SORCS3: variants seen among roughly 807,000 people sequenced by gnomAD.
SORCS3 encodes the protein VPS10 domain-containing receptor SorCS3.
In SORCS3, 57 loss-of-function variants were observed where a neutral mutation model predicts 146.3. The ratio of observed to expected loss-of-function variants is 0.39; its 90% CI spans 0.31 to 0.49. The LOEUF is 0.49. SORCS3 is among the 20% of genes least tolerant of loss of function. The pLI is 0.92. For missense variants in SORCS3, 1,341 were observed against 1,575.5 expected (o/e 0.85, Z 2.52); for synonymous variants, 653 against 618.5 (o/e 1.06, Z -0.83).
intron 3 of SORCS3, among the ~76,000 whole-genome samples, chr10:104,965,978 A>G (rs1306957135): frequency 6.6e-6 from 1 of 152,146 alleles, no homozygotes; most frequent in East Asian, 1.9e-4. Context: ...GTATAAGCAT[A>G]CATGCATATT....
chr10:104,722,320 G>A (rs2016559716), intron 1 of SORCS3, among the ~76,000 whole-genome samples: 1 of 152,172 alleles, frequency 6.6e-6, no homozygotes, highest in African/African-American at 2.4e-5. Context: ...GCATCCCAGG[G>A]ATGAAGCCCA....
chr10:105,008,643 T>C (rs982398939), intron 4 of SORCS3, among the ~76,000 whole-genome samples: 4 of 152,174 alleles, frequency 2.6e-5, no homozygotes, highest in Non-Finnish European at 5.9e-5. Flanking sequence ...TGAGGTTTTT[T>C]GTTTTTGTTT....
intron 1 of SORCS3, among the ~76,000 whole-genome samples, chr10:104,650,673 C>T (rs1397098723): frequency 6.6e-6 from 1 of 152,152 alleles, no homozygotes; most frequent in African/African-American, 2.4e-5. Context: ...TCAATAGGTG[C>T]TTATTGAGTT....
intron 1 of SORCS3, among the ~76,000 whole-genome samples, chr10:104,813,317 C>G (rs959310060): frequency 6.6e-6 from 1 of 152,174 alleles, no homozygotes; most frequent in Non-Finnish European, 1.5e-5. Context: ...CTTTATTATT[C>G]TCTAATTCAG....
intron 13 of SORCS3, among the ~76,000 whole-genome samples, chr10:105,167,672 G>A (rs2056325703): frequency 6.6e-6 from 1 of 152,040 alleles, no homozygotes; most frequent in Non-Finnish European, 1.5e-5. Flanking sequence ...GGAAGAGGAG[G>A]GTTAGGTACA....
chr10:105,082,792 G>A (rs1208387942), intron 5 of SORCS3, among the ~76,000 whole-genome samples: 1 of 152,086 alleles, frequency 6.6e-6, no homozygotes, highest in Non-Finnish European at 1.5e-5. Flanking sequence ...GTGCAATGGT[G>A]CGATCTTGGC....
rs940498244 is a variant in SORCS3, at chr10:104,842,809, G to A, written c.645G>A (p.Thr215=). 27 of 1,613,670 alleles carry A rather than the reference G, an allele frequency of 1.7e-5. No homozygotes were observed. Among genetic ancestry groups the A allele is most frequent in the Middle Eastern group, 3.3e-4 (2 of 6,082 alleles). ...CCTTGCAGGTCATACTTATCCTGAC[G>A]AAGCTGTATGACTTCAACCTGGGCA... ...GHNSSVILIL[T]KLYDFNLGSV... The change falls in exon 2 of 27, where the codon ACG becomes ACA. Residue 215 remains threonine (T), a synonymous_variant. Transcript: ENST00000369701.
At chr10:104,850,082 A>G (rs2018257001) in intron 2 of SORCS3, among the ~76,000 whole-genome samples, 1 of 152,202 alleles carries the variant, frequency 6.6e-6, no homozygotes, top group African/African-American at 2.4e-5. Flanking sequence ...TTTCCTTTTC[A>G]TATAACTTTT....
chr10:104,905,345 CTGTGTTGGAAAACACCA>C (rs33927975), intron 2 of SORCS3, among the ~76,000 whole-genome samples: 54,867 of 151,964 alleles, frequency 0.36, 12,942 homozygotes, highest in African/African-American at 0.67. Flanking sequence ...TTCTTCTTGC[CTGTGTTGGAAAACACCA>C]TGTGTTGGAA....
Position 105,064,154 on chromosome 10 carries a change from G to A in SORCS3, c.1028+21026G>A, listed in dbSNP as rs1249036341. Among the ~76,000 whole-genome samples the A allele has an allele frequency of 2.0e-5, 3 of 152,302 alleles. No homozygotes were observed. The East Asian group carries it at 5.8e-4, about 29-fold the overall frequency. The stretch of plus-strand genomic sequence containing the variant: ...CCGTCTCTGCCCTCTTAGCACTTAT[G>A]GTGTAGCAAGGAAACAGGAAGAAAT... On this transcript the variant is annotated intron_variant, in intron 5 of 26. Coordinates refer to ENST00000369701, the MANE Select transcript of SORCS3 (RefSeq NM_014978.3).
In SORCS3 at chr10:105,214,570, C is replaced by G. The variant is rs1443275541; in HGVS notation, c.2504C>G (p.Ala835Gly). The stretch of plus-strand genomic sequence containing the variant: ...GTGACGACCGATGGGCGGCTGGTGG[C>G]AGAGCAGGGGCACAATGCAACTTTC... ...HVVTTDGRLV[A>G]EQGHNATFII... Residue 835 changes from alanine (A) to glycine (G), a missense_variant, in exon 18 of 27, where the codon GCA becomes GGA. Physicochemically the swap from Ala to Gly is moderately conservative, Grantham distance 60. Coordinates refer to ENST00000369701, the MANE Select transcript of SORCS3 (RefSeq NM_014978.3). The G allele has an allele frequency of 2.5e-6, 4 of 1,608,170 alleles. No homozygotes were observed. The highest frequency in any genetic ancestry group is 3.4e-6 in the Non-Finnish European group (4 of 1,177,446).
chr10:105,252,950 C>T (rs892124895), intron 23 of SORCS3, 44 bp downstream of exon 23: 123 of 1,602,790 alleles, frequency 7.7e-5, no homozygotes, highest in Non-Finnish European at 1.0e-4. Flanking sequence ...CTGCACCCTA[C>T]ACCCTGAGAG....
chr10:104,794,622 G>GGAGGGGGAGAGAGAGAGAGA (rs1481811209), intron 1 of SORCS3, among the ~76,000 whole-genome samples: 2 of 41,406 alleles, frequency 4.8e-5, no homozygotes, highest in Non-Finnish European at 8.6e-5. Context: ...AGAGAGGGAG[G>GGAGGGGGAGAGAGAGAGAGA]GAGAGAGAGA....
intron 1 of SORCS3, among the ~76,000 whole-genome samples, chr10:104,822,341 G>A (rs964064958): frequency 6.6e-6 from 1 of 152,160 alleles, no homozygotes; most frequent in Non-Finnish European, 1.5e-5. Context: ...GATATGTGAG[G>A]AACTTACTTT....
chr10:104,861,225 G>A (rs895079246), intron 2 of SORCS3, among the ~76,000 whole-genome samples: 14 of 152,116 alleles, frequency 9.2e-5, no homozygotes, highest in African/African-American at 3.4e-4. Context: ...CCTGCTTAAT[G>A]TGCACACCCT....
chr10:105,167,295 G>C lies in SORCS3; in HGVS notation c.1847G>C (p.Trp616Ser). 6.2e-7 allele frequency: 1 copy of C among 1,613,344 alleles called. No homozygotes were observed. The change falls in exon 13 of 27, where the codon TGG (tryptophan) becomes TCG (serine). Residue 616 changes from tryptophan (W) to serine (S), a missense_variant. Trp to Ser is a radical substitution (Grantham distance 177, BLOSUM62 -3). Transcript: ENST00000369701. ...GAGTACAATGTCTGGTTCCTAGACT[G>C]GGGTGGTGCCCTCGTGGCCATGAAA... Reference protein sequence around the residue: ...DEEYNVWFLDWGGALVAMKHT... With the variant: ...DEEYNVWFLDSGGALVAMKHT...
At position 105,263,644 on chromosome 10, in the gene SORCS3, A is replaced by G. The variant is rs1412633168; in HGVS notation, c.*270A>G. 9.9e-6 allele frequency: 4 copies of G among 404,092 alleles called. No homozygotes were observed. The highest frequency in any genetic ancestry group is 4.1e-5 in the African/African-American group (2 of 49,298). The allele number at this position is 404,092 out of a possible 1,614,324, so 25.0% of individuals were successfully genotyped here. A position where few individuals can be genotyped will look rare whatever the true frequency, so the allele number is the denominator to read the frequency against. ...CGCTTTACTCTGCCATTGGTAGCTT[A>G]AAGACTTTCTTTTTCCTTGTGGTCT... is the stretch of plus-strand genomic sequence containing the variant. On this transcript the variant is annotated 3_prime_UTR_variant, in exon 27 of 27. Coordinates refer to ENST00000369701, the MANE Select transcript of SORCS3 (RefSeq NM_014978.3).
At chr10:105,154,398 A>G (rs544157542) in intron 9 of SORCS3, among the ~76,000 whole-genome samples, 12 of 152,332 alleles carry the variant, frequency 7.9e-5, no homozygotes, top group African/African-American at 2.6e-4. Context: ...ACAGATGACC[A>G]TGCCACCTGG....
chr10:104,972,094 G>A (rs1020082038), intron 3 of SORCS3, among the ~76,000 whole-genome samples: 1 of 152,144 alleles, frequency 6.6e-6, no homozygotes, highest in African/African-American at 2.4e-5. Flanking sequence ...TGTACATTAT[G>A]TTGGGAAGTG....
Sources: allele counts gnomAD v4.1 joint callset (sites outside exome capture counted in the v4.1 genomes callset), GRCh38; gene constraint gnomAD v4.1.1; transcripts MANE v1.5; gene names NCBI Gene and HGNC (gene_info 2026-07-23, HGNC 2026-07-21).